Variants in ZC3H12B observed in about 807,000 individuals in gnomAD.
ZC3H12B encodes probable ribonuclease ZC3H12B.
A neutral mutation model predicts 43.9 loss-of-function variants in ZC3H12B; 7 were observed. The observed-to-expected ratio is 0.16, with a 90% CI of 0.09 to 0.30. The LOEUF (loss-of-function observed/expected upper bound fraction) is 0.30. ZC3H12B is among the 10% of genes least tolerant of loss of function. The pLI, the probability that ZC3H12B is intolerant of heterozygous loss-of-function variation, is 1.00. For synonymous variants in ZC3H12B, 222 were observed against 241.7 expected, an observed-to-expected ratio of 0.92 and a Z score of 0.76; for missense variants, 475 against 670.2, an observed-to-expected ratio of 0.71 and a Z score of 3.22.
At chrX:65,127,586 T>A in the ZC3H12B span, among the ~76,000 whole-genome samples, 1 of 111,073 alleles carries the variant, frequency 9.0e-6, no homozygotes, top group African/African-American at 3.3e-5. Context: ...ACAGAGCTCC[T>A]AAGAGATTAT....
intron 2 of ZC3H12B, among the ~76,000 whole-genome samples, chrX:65,386,008 G>A (rs1368425539): frequency 1.8e-5 from 2 of 112,110 alleles, no homozygotes; most frequent in Non-Finnish European, 3.8e-5. Context: ...CTTGATCATG[G>A]TGGATAAGCT....
At chrX:65,151,770 C>A in the ZC3H12B span, among the ~76,000 whole-genome samples, 4 of 111,399 alleles carry the variant, frequency 3.6e-5, no homozygotes, top group African/African-American at 1.3e-4. Context: ...CGGGCACAGA[C>A]ACAACCAAAA....
At chrX:65,453,395 T>TAA (rs1196614404) in intron 3 of ZC3H12B, among the ~76,000 whole-genome samples, 15 of 86,708 alleles carry the variant, frequency 1.7e-4, no homozygotes, top group Non-Finnish European at 3.3e-4. Context: ...TATATATATA[T>TAA]ATATATATAA....
At chrX:65,283,844 G>A in the ZC3H12B span, among the ~76,000 whole-genome samples, 1 of 111,934 alleles carries the variant, frequency 8.9e-6, no homozygotes, top group Admixed American at 9.5e-5. Context: ...CAAACTGGGA[G>A]CAATTCTACA....
At chrX:65,357,133 T>C in the ZC3H12B span, 7 of 484,326 alleles carry the variant, frequency 1.4e-5, no homozygotes, top group Non-Finnish European at 2.7e-5. Flanking sequence ...TGACTTCACA[T>C]GGGGGCTCTG....
the ZC3H12B span, among the ~76,000 whole-genome samples, chrX:65,211,319 C>A: frequency 9.2e-6 from 1 of 108,556 alleles, no homozygotes; most frequent in African/African-American, 3.3e-5. Flanking sequence ...CCAAAAACCA[C>A]CTGTTTTCCA....
At chrX:65,075,964 C>G in the ZC3H12B span, among the ~76,000 whole-genome samples, 1 of 111,125 alleles carries the variant, frequency 9.0e-6, no homozygotes, top group Non-Finnish European at 1.9e-5. Context: ...TTTTAGCTTG[C>G]CTGTGATGCA....
chrX:65,179,612 G>T, the ZC3H12B span, among the ~76,000 whole-genome samples: 1 of 110,456 alleles, frequency 9.1e-6, no homozygotes, highest in African/African-American at 3.3e-5. Context: ...TAATAAAGAA[G>T]AAAAGGGAGA....
the ZC3H12B span, among the ~76,000 whole-genome samples, chrX:65,067,855 T>C: frequency 9.0e-6 from 1 of 111,396 alleles, no homozygotes; most frequent in Non-Finnish European, 1.9e-5. Flanking sequence ...TATTCTCTTT[T>C]TTGATGTAGG....
At chrX:65,290,722 G>A in the ZC3H12B span, among the ~76,000 whole-genome samples, 13 of 111,179 alleles carry the variant, frequency 1.2e-4, no homozygotes, top group African/African-American at 4.2e-4. Context: ...GGAACTAGAG[G>A]TCATCATCTT....
chrX:65,169,311 C>T, the ZC3H12B span, among the ~76,000 whole-genome samples: 1 of 112,012 alleles, frequency 8.9e-6, no homozygotes, highest in African/African-American at 3.2e-5. Flanking sequence ...CATTCAGGAG[C>T]AGGTTGTTCA....
the ZC3H12B span, among the ~76,000 whole-genome samples, chrX:65,062,209 G>A: frequency 8.9e-6 from 1 of 112,079 alleles, no homozygotes; most frequent in African/African-American, 3.2e-5. Flanking sequence ...ATTGCTTTTG[G>A]TGTTTTATCC....
chrX:65,094,241 C>A, the ZC3H12B span, among the ~76,000 whole-genome samples: 3 of 104,951 alleles, frequency 2.9e-5, no homozygotes, highest in Admixed American at 3.0e-4. Flanking sequence ...GCCTGTGGAA[C>A]CATGAGCCAA....
At chrX:65,230,596 C>T in the ZC3H12B span, among the ~76,000 whole-genome samples, 1 of 103,106 alleles carries the variant, frequency 9.7e-6, no homozygotes, top group Non-Finnish European at 2.0e-5. Context: ...ACAAACATCA[C>T]CTTTCCCCCA....
the ZC3H12B span, among the ~76,000 whole-genome samples, chrX:65,168,046 T>G: frequency 2.7e-5 from 3 of 111,690 alleles, no homozygotes; most frequent in Admixed American, 1.9e-4. Context: ...CTGCCTGATT[T>G]CCCTGGCCAG....
chrX:65,130,132 CTTT>C, the ZC3H12B span, among the ~76,000 whole-genome samples: 1 of 111,258 alleles, frequency 9.0e-6, no homozygotes, highest in Non-Finnish European at 1.9e-5. Context: ...ACAGAGTCCT[CTTT>C]TTTAAGTTGG....
At chrX:65,185,768 AG>A in the ZC3H12B span, 4 of 111,573 alleles carry the variant, frequency 3.6e-5, no homozygotes, top group Admixed American at 9.6e-5. Flanking sequence ...CACACAACAA[AG>A]ATGACATATC....
exon 5 of ZC3H12B, chrX:65,502,112 C>A: frequency 8.3e-7 from 1 of 1,210,079 alleles, no homozygotes. Context: ...CCTAAGTGTT[C>A]CCACAATCCC....
the ZC3H12B span, among the ~76,000 whole-genome samples, chrX:65,344,035 G>T: frequency 1.8e-5 from 2 of 111,952 alleles, no homozygotes; most frequent in African/African-American, 3.2e-5. Context: ...ATACACCAAT[G>T]ACGGTCAAGC....
Sources: gnomAD v4.1 joint callset for allele counts (sites outside exome capture counted in the v4.1 genomes callset) on GRCh38, gnomAD v4.1.1 for gene constraint, MANE v1.5 for transcripts, NCBI Gene and HGNC (gene_info 2026-07-23, HGNC 2026-07-21) for gene names.